CAMKMT: variants seen among roughly 807,000 people sequenced by gnomAD.
CAMKMT encodes CaM KMT.
CAMKMT carries 53 observed loss-of-function variants against 48.0 expected under a neutral mutation model. That is an observed-to-expected ratio of 1.10 (90% CI 0.89 to 1.39). The LOEUF is 1.39. Ranked by LOEUF, CAMKMT falls within the 40% of genes most tolerant of loss-of-function variation. The pLI is 0.00. For synonymous variants in CAMKMT, 165 were observed against 152.3 expected (o/e 1.08, Z -0.61); for missense variants, 428 against 402.7 (o/e 1.06, Z -0.54).
chr2:44,437,762 C>A (rs1256598311), intron 3 of CAMKMT, among the ~76,000 whole-genome samples: 1 of 148,364 alleles, frequency 6.7e-6, no homozygotes, highest in Non-Finnish European at 1.5e-5. Context: ...AGGAGGATTG[C>A]TTGAGCCCAG....
At chr2:44,512,698 C>T (rs937774821) in intron 3 of CAMKMT, among the ~76,000 whole-genome samples, 2 of 152,192 alleles carry the variant, frequency 1.3e-5, no homozygotes, top group Non-Finnish European at 2.9e-5. Flanking sequence ...AATATCTATA[C>T]CTAAATCTGT....
At chr2:44,365,291 C>A (rs531422244) in intron 1 of CAMKMT, among the ~76,000 whole-genome samples, 2 of 152,190 alleles carry the variant, frequency 1.3e-5, no homozygotes, top group South Asian at 4.1e-4. Context: ...TTTATGTTAA[C>A]TATTCAGTAT....
chr2:44,553,110 TTG>T (rs1044453101), intron 3 of CAMKMT, among the ~76,000 whole-genome samples: 39 of 152,328 alleles, frequency 2.6e-4, no homozygotes, highest in African/African-American at 9.1e-4. Flanking sequence ...TTAAAGTCTT[TTG>T]TTGAAAAACC....
intron 3 of CAMKMT, among the ~76,000 whole-genome samples, chr2:44,599,591 C>T (rs1670865566): frequency 1.3e-5 from 2 of 151,786 alleles, no homozygotes; most frequent in Admixed American, 1.3e-4. Flanking sequence ...ATTTAAAGAT[C>T]AATCTATGTA....
At chr2:44,668,975 G>A (rs760078984) in intron 3 of CAMKMT, among the ~76,000 whole-genome samples, 9 of 151,926 alleles carry the variant, frequency 5.9e-5, no homozygotes, top group South Asian at 2.1e-4. Context: ...TAGAGGCAGG[G>A]TTTCACCATG....
At chr2:44,432,451 T>A (rs1684707224) in intron 3 of CAMKMT, among the ~76,000 whole-genome samples, 1 of 152,190 alleles carries the variant, frequency 6.6e-6, no homozygotes, top group Non-Finnish European at 1.5e-5. Context: ...TGAAAAGCAA[T>A]GCCCCTGGGT....
intron 3 of CAMKMT, among the ~76,000 whole-genome samples, chr2:44,669,256 G>A (rs1326951106): frequency 6.6e-6 from 1 of 152,006 alleles, no homozygotes; most frequent in Non-Finnish European, 1.5e-5. Flanking sequence ...AAATTCATAT[G>A]GTGTATAATT....
chr2:44,526,203 A>C (rs1671396551), intron 3 of CAMKMT, among the ~76,000 whole-genome samples: 1 of 152,222 alleles, frequency 6.6e-6, no homozygotes, highest in African/African-American at 2.4e-5. Context: ...TCAAAGTGAA[A>C]TTTTGTCCCA....
intron 2 of CAMKMT, among the ~76,000 whole-genome samples, chr2:44,386,210 G>A (rs187294427): frequency 1.3e-5 from 2 of 152,034 alleles, no homozygotes; most frequent in East Asian, 3.9e-4. Flanking sequence ...TGGGCTAGCT[G>A]GGTGCCTCAG....
chr2:44,733,862 TA>T (rs1679213668), intron 7 of CAMKMT, among the ~76,000 whole-genome samples: 1 of 152,176 alleles, frequency 6.6e-6, no homozygotes, highest in South Asian at 2.1e-4. Context: ...TATGTTGTAT[TA>T]ATATTGCATA....
At chr2:44,686,492 G>C (rs1235810454) in intron 3 of CAMKMT, among the ~76,000 whole-genome samples, 1 of 152,022 alleles carries the variant, frequency 6.6e-6, no homozygotes, top group African/African-American at 2.4e-5. Context: ...ATTTCGAGAA[G>C]TATAAGATGT....
intron 7 of CAMKMT, among the ~76,000 whole-genome samples, chr2:44,721,927 A>T (rs942793952): frequency 6.6e-6 from 1 of 152,212 alleles, no homozygotes; most frequent in African/African-American, 2.4e-5. Flanking sequence ...TTCCAGGGCT[A>T]GGCAACCACT....
intron 3 of CAMKMT, among the ~76,000 whole-genome samples, chr2:44,622,365 T>C (rs1672246033): frequency 6.6e-6 from 1 of 152,228 alleles, no homozygotes; most frequent in Non-Finnish European, 1.5e-5. Context: ...TTTTAGATTC[T>C]GGGGAGTATA....
At chr2:44,392,965 G>A (rs1193079445) in intron 3 of CAMKMT, among the ~76,000 whole-genome samples, 1 of 152,008 alleles carries the variant, frequency 6.6e-6, no homozygotes, top group East Asian at 1.9e-4. Context: ...GGTTAATAAT[G>A]CTTCCTAGTA....
chr2:44,707,375 G>T, intron 5 of CAMKMT, 24 bp from the exon 6 acceptor site: 1 of 1,609,586 alleles, frequency 6.2e-7, no homozygotes, highest in Non-Finnish European at 8.5e-7. Context: ...CTCATTGTTT[G>T]CTGTGCTCCC....
chr2:44,614,401 T>C (rs1421902103), intron 3 of CAMKMT, among the ~76,000 whole-genome samples: 2 of 152,210 alleles, frequency 1.3e-5, no homozygotes, highest in African/African-American at 2.4e-5. Flanking sequence ...AACAGTTGCA[T>C]TGCATTCTTC....
intron 6 of CAMKMT, 99 bp from the exon 7 acceptor site, chr2:44,715,188 G>C: frequency 2.9e-6 from 2 of 691,506 alleles, no homozygotes; most frequent in Non-Finnish European, 4.5e-6. Context: ...GCGAGACCCT[G>C]TCTCAAAAAA....
At chr2:44,738,274 GTCT>G (rs1237433839) in intron 7 of CAMKMT, among the ~76,000 whole-genome samples, 2 of 152,166 alleles carry the variant, frequency 1.3e-5, no homozygotes, top group East Asian at 1.9e-4. Flanking sequence ...ATTTATTTCT[GTCT>G]TCTTAAGGAT....
At chr2:44,688,833 C>T (rs1288051667) in intron 3 of CAMKMT, among the ~76,000 whole-genome samples, 1 of 152,174 alleles carries the variant, frequency 6.6e-6, no homozygotes, top group African/African-American at 2.4e-5. Flanking sequence ...GTTATGCTGC[C>T]TAACAGCCTG....
Sources: allele counts gnomAD v4.1 joint callset (sites outside exome capture counted in the v4.1 genomes callset), GRCh38; gene constraint gnomAD v4.1.1; transcripts MANE v1.5; gene names NCBI Gene and HGNC (gene_info 2026-07-23, HGNC 2026-07-21).